LINC00305: variants seen among roughly 807,000 people sequenced by gnomAD.
LINC00305 encodes the protein long independently transcribed non-coding RNA 305.
chr18:64,143,683 T>TA (rs1568120217), intron 1 of LINC00305, among the ~76,000 whole-genome samples: 7 of 149,056 alleles, frequency 4.7e-5, no homozygotes, highest in Middle Eastern at 3.4e-3. Flanking sequence ...CATATGTATG[T>TA]CCACATATTA....
chr18:64,121,926 C>T (rs905586539), intron 1 of LINC00305, among the ~76,000 whole-genome samples: 1 of 152,078 alleles, frequency 6.6e-6, no homozygotes, highest in Non-Finnish European at 1.5e-5. Flanking sequence ...CTTTGAACTT[C>T]TTTAATAATT....
intron 1 of LINC00305, among the ~76,000 whole-genome samples, chr18:64,135,251 A>G (rs1265521998): frequency 6.6e-6 from 1 of 152,190 alleles, no homozygotes; most frequent in Non-Finnish European, 1.5e-5. Flanking sequence ...TAATATGAAC[A>G]GCTTTGTGAA....
chr18:64,099,372 A>G (rs369102410), intron 1 of LINC00305, among the ~76,000 whole-genome samples: 12 of 152,280 alleles, frequency 7.9e-5, no homozygotes, highest in East Asian at 3.9e-4. Context: ...CAATCGTAGA[A>G]ACTCATAGCC....
intron 1 of LINC00305, among the ~76,000 whole-genome samples, chr18:64,108,915 G>A (rs1336301617): frequency 6.6e-6 from 1 of 152,162 alleles, no homozygotes; most frequent in African/African-American, 2.4e-5. Flanking sequence ...AATACATCTA[G>A]GGCTATTTTC....
chr18:64,095,378 GA>G (rs1270735920), intron 3 of LINC00305, among the ~76,000 whole-genome samples: 8 of 152,240 alleles, frequency 5.3e-5, no homozygotes, highest in African/African-American at 1.9e-4. Flanking sequence ...AGCTAGTTTT[GA>G]AGAGATTTAT....
chr18:64,119,215 G>A (rs1194181158), intron 1 of LINC00305, among the ~76,000 whole-genome samples: 11 of 152,160 alleles, frequency 7.2e-5, no homozygotes, highest in African/African-American at 2.4e-4. Flanking sequence ...AGGGGAGATG[G>A]GATTTTCAGT....
chr18:64,124,142 A>G (rs2051374455), intron 1 of LINC00305, among the ~76,000 whole-genome samples: 1 of 152,126 alleles, frequency 6.6e-6, no homozygotes, highest in East Asian at 1.9e-4. Context: ...CTTCTGAGAT[A>G]TTCCCCTTGC....
intron 3 of LINC00305, among the ~76,000 whole-genome samples, chr18:64,086,971 T>C (rs1328867288): frequency 6.6e-6 from 1 of 152,160 alleles, no homozygotes; most frequent in Non-Finnish European, 1.5e-5. Context: ...AACCTAATAT[T>C]GCTAGCAAGA....
At chr18:64,123,761 G>A (rs746732461) in intron 1 of LINC00305, among the ~76,000 whole-genome samples, 4 of 152,092 alleles carry the variant, frequency 2.6e-5, no homozygotes, top group Non-Finnish European at 2.9e-5. Context: ...ATGTTGGAAG[G>A]CAGGGCCTGG....
At chr18:64,103,741 C>A (rs1388195549) in intron 1 of LINC00305, among the ~76,000 whole-genome samples, 1 of 152,096 alleles carries the variant, frequency 6.6e-6, no homozygotes, top group Non-Finnish European at 1.5e-5. Flanking sequence ...TACCCTACAC[C>A]AAGGGGAGAT....
chr18:64,081,782 T>C (rs1164158546), intron 3 of LINC00305, among the ~76,000 whole-genome samples: 3 of 152,128 alleles, frequency 2.0e-5, no homozygotes. Flanking sequence ...AAAAAACATC[T>C]GGGGCGACAG....
intron 1 of LINC00305, among the ~76,000 whole-genome samples, chr18:64,110,260 C>T (rs1411040301): frequency 1.3e-5 from 2 of 152,148 alleles, no homozygotes; most frequent in Admixed American, 6.5e-5. Context: ...TGTTTGTTAT[C>T]GTAGCATAAC....
At chr18:64,132,024 G>A (rs1376657283) in intron 1 of LINC00305, among the ~76,000 whole-genome samples, 4 of 152,144 alleles carry the variant, frequency 2.6e-5, no homozygotes, top group African/African-American at 4.8e-5. Context: ...TATTGATGTA[G>A]TTGCAATAGA....
intron 1 of LINC00305, among the ~76,000 whole-genome samples, chr18:64,138,982 A>G (rs1221865515): frequency 6.6e-6 from 1 of 152,164 alleles, no homozygotes; most frequent in Non-Finnish European, 1.5e-5. Context: ...AAAAACTGTC[A>G]GCTCCCCAGT....
intron 3 of LINC00305, among the ~76,000 whole-genome samples, chr18:64,089,444 T>A (rs2051216698): frequency 6.6e-6 from 1 of 152,206 alleles, no homozygotes; most frequent in African/African-American, 2.4e-5. Context: ...AGTGTGAAAA[T>A]GGACTAATAC....
chr18:64,109,431 C>T (rs1342528603), intron 1 of LINC00305, among the ~76,000 whole-genome samples: 1 of 152,156 alleles, frequency 6.6e-6, no homozygotes, highest in Middle Eastern at 3.2e-3. Flanking sequence ...ATAGGAATTA[C>T]AATTGGAACT....
intron 1 of LINC00305, among the ~76,000 whole-genome samples, chr18:64,136,965 A>G (rs1204018582): frequency 6.6e-6 from 1 of 152,180 alleles, no homozygotes; most frequent in South Asian, 2.1e-4. Flanking sequence ...TGGGTTGCAT[A>G]GCGTCCACCT....
At chr18:64,141,727 C>T (rs776461192) in intron 1 of LINC00305, among the ~76,000 whole-genome samples, 4 of 152,166 alleles carry the variant, frequency 2.6e-5, no homozygotes, top group Admixed American at 6.6e-5. Flanking sequence ...AAGAGTTCTT[C>T]GATTCAATTC....
intron 1 of LINC00305, chr18:64,139,319 T>C (rs2051450054): frequency 6.6e-6 from 1 of 152,158 alleles, no homozygotes; most frequent in Admixed American, 6.5e-5. Flanking sequence ...TGATGCTAGG[T>C]GAGGATACAT....
Sources: allele counts gnomAD v4.1 joint callset (sites outside exome capture counted in the v4.1 genomes callset), GRCh38; gene constraint gnomAD v4.1.1; transcripts MANE v1.5; gene names NCBI Gene and HGNC (gene_info 2026-07-23, HGNC 2026-07-21).